RALGAPB: variants seen among roughly 807,000 people sequenced by gnomAD.
The protein encoded by RALGAPB is Ral GTPase activating protein non-catalytic subunit beta.
RALGAPB carries 25 observed loss-of-function variants against 161.1 expected under a neutral mutation model. The ratio of observed to expected loss-of-function variants is 0.16; its 90% CI spans 0.11 to 0.22. The LOEUF (loss-of-function observed/expected upper bound fraction) is 0.22. Ranked by LOEUF, RALGAPB falls within the 10% of genes least tolerant of loss-of-function variation. RALGAPB has a pLI of 1.00. For missense variants in RALGAPB, 1,391 were observed against 1,815.2 expected, an observed-to-expected ratio of 0.77 and a Z score of 4.25; for synonymous variants, 629 against 626.1, an observed-to-expected ratio of 1.00 and a Z score of -0.07.
rs185249282 is a variant in RALGAPB, at chr20:38,490,080, G to A, written c.186+1462G>A. Among the ~76,000 whole-genome samples the A allele has an allele frequency of 3.9e-3, 587 of 151,928 alleles. 8 individuals carry two copies. Among genetic ancestry groups the A allele is most frequent in the African/African-American group, 0.014 (561 of 41,418 alleles). On this transcript the variant is annotated intron_variant, in intron 2 of 29. Transcript: ENST00000262879. ...GCTGGAGTGCAGTGGCATGACCTCG[G>A]CTCACTGCAACTTCTGCCTCCCGGG...
At chr20:38,528,332 ACATT>A (rs2086534452) in intron 13 of RALGAPB, among the ~76,000 whole-genome samples, 2 of 151,168 alleles carry the variant, frequency 1.3e-5, no homozygotes, top group African/African-American at 4.9e-5. Context: ...TTTGACCTTC[ACATT>A]CATTTTATTT....
intron 22 of RALGAPB, among the ~76,000 whole-genome samples, chr20:38,554,538 A>G (rs149430191): frequency 1.3e-3 from 203 of 152,332 alleles, no homozygotes; most frequent in African/African-American, 4.7e-3. Flanking sequence ...TCCAGTTTGT[A>G]AGATCAAACT....
chr20:38,571,484 C>T (rs2088237436), intron 28 of RALGAPB, among the ~76,000 whole-genome samples: 1 of 152,136 alleles, frequency 6.6e-6, no homozygotes, highest in Non-Finnish European at 1.5e-5. Flanking sequence ...TCTTTTTGTG[C>T]CTGCCTTAGC....
At chr20:38,480,420 T>C (rs1263144576) in intron 1 of RALGAPB, among the ~76,000 whole-genome samples, 1 of 144,178 alleles carries the variant, frequency 6.9e-6, no homozygotes, top group African/African-American at 2.6e-5. Context: ...GGAGTCTCGC[T>C]CTGTCACCCA....
chr20:38,519,257 A>G (rs1336019428), intron 9 of RALGAPB, among the ~76,000 whole-genome samples: 1 of 152,194 alleles, frequency 6.6e-6, no homozygotes, highest in African/African-American at 2.4e-5. Flanking sequence ...GCTTACTTAC[A>G]ATAAGTGAAA....
chr20:38,537,084 C>T (rs1661249791), intron 16 of RALGAPB, among the ~76,000 whole-genome samples: 1 of 152,182 alleles, frequency 6.6e-6, no homozygotes, highest in Non-Finnish European at 1.5e-5. Context: ...AAAGGGCTAA[C>T]ACTACCTGAT....
intron 1 of RALGAPB, among the ~76,000 whole-genome samples, chr20:38,484,720 A>G (rs368803806): frequency 1.3e-5 from 2 of 152,268 alleles, no homozygotes; most frequent in African/African-American, 4.8e-5. Flanking sequence ...CAGAGCTTGT[A>G]TACTAGCTCT....
chr20:38,487,377 A>G (rs1290216811), intron 1 of RALGAPB, among the ~76,000 whole-genome samples: 1 of 152,240 alleles, frequency 6.6e-6, no homozygotes, highest in African/African-American at 2.4e-5. Context: ...ATACTGAAGA[A>G]TAAATGTCTA....
At chr20:38,524,354 ATT>A (rs2086392882) in intron 10 of RALGAPB, among the ~76,000 whole-genome samples, 1 of 152,184 alleles carries the variant, frequency 6.6e-6, no homozygotes, top group Non-Finnish European at 1.5e-5. Flanking sequence ...CTCTTACGGA[ATT>A]TAACTCAGCA....
intron 21 of RALGAPB, among the ~76,000 whole-genome samples, chr20:38,553,108 G>T (rs1266163701): frequency 6.6e-6 from 1 of 152,128 alleles, no homozygotes; most frequent in South Asian, 2.1e-4. Context: ...TGCACAAGGG[G>T]GCTTATGATT....
At chr20:38,534,758 G>T (rs1198652700) in intron 15 of RALGAPB, among the ~76,000 whole-genome samples, 1 of 152,162 alleles carries the variant, frequency 6.6e-6, no homozygotes, top group Non-Finnish European at 1.5e-5. Flanking sequence ...TTTTGAAAAT[G>T]TAGCTATGAG....
rs759651715 is a variant in RALGAPB at position 38,535,123 on chromosome 20, C to T, written c.2295C>T (p.Leu765=). 13 of 1,613,794 alleles carry T rather than the reference C, an allele frequency of 8.1e-6. No individual in the cohort carries two copies. Among genetic ancestry groups the T allele is most frequent in the African/African-American group, 4.0e-5 (3 of 74,926 alleles). Residue 765 remains leucine, a synonymous_variant, in exon 16 of 30, where the codon CTC becomes CTT. Coordinates refer to ENST00000262879, the MANE Select transcript of RALGAPB (RefSeq NM_020336.4). ...GGCTCCTGATTCGCAGCATTCATCT[C>T]GTCACCCAAAGACTCAACTCCCAGT... ...AAGLLIRSIH[L]VTQRLNSQWR...
At chr20:38,561,305 C>T (rs1431630012) in intron 23 of RALGAPB, among the ~76,000 whole-genome samples, 1 of 152,166 alleles carries the variant, frequency 6.6e-6, no homozygotes, top group East Asian at 1.9e-4. Flanking sequence ...GCCTGGGCGA[C>T]AGAGCAAGAC....
intron 19 of RALGAPB, 32 bp downstream of exon 19, chr20:38,546,462 T>G: frequency 1.2e-6 from 2 of 1,612,972 alleles, no homozygotes; most frequent in Non-Finnish European, 1.7e-6. Flanking sequence ...CCTTCTCTAC[T>G]GCTTAATCAG....
intron 6 of RALGAPB, among the ~76,000 whole-genome samples, chr20:38,512,344 C>T (rs537811291): frequency 7.2e-5 from 11 of 152,346 alleles, no homozygotes; most frequent in Admixed American, 4.6e-4. Flanking sequence ...AAAAGTACTT[C>T]GGATGCAGTA....
At chr20:38,553,138 T>C (rs2087435576) in intron 21 of RALGAPB, among the ~76,000 whole-genome samples, 1 of 152,104 alleles carries the variant, frequency 6.6e-6, no homozygotes, top group African/African-American at 2.4e-5. Context: ...ATTTCAGACT[T>C]ACAGCCCTGG....
Position 38,544,592 on chromosome 20 carries a change from C to T in RALGAPB, c.2715-1651C>T, listed in dbSNP as rs183628829. ...AAGCAATTCTCCTCCCTCAGCTTCC[C>T]GAGTACCTGGGACTACAGGCACGTG... is the stretch of plus-strand genomic sequence containing the variant. On this transcript the variant is annotated intron_variant, in intron 18 of 29. Transcript: ENST00000262879. 2.8e-3 allele frequency among the ~76,000 whole-genome samples: 431 copies of T among 152,276 alleles called. 3 individuals carry two copies. The highest frequency in any genetic ancestry group is 4.7e-3 in the Non-Finnish European group (319 of 68,004).
intron 16 of RALGAPB, 95 bp from the exon 17 acceptor site, chr20:38,539,681 C>T: frequency 8.5e-7 from 1 of 1,171,966 alleles, no homozygotes; most frequent in Admixed American, 2.2e-5. Context: ...TAGTGTATGA[C>T]ATTGTCAAAT....
intron 13 of RALGAPB, among the ~76,000 whole-genome samples, chr20:38,526,820 C>T (rs1376452830): frequency 1.3e-5 from 2 of 152,208 alleles, no homozygotes; most frequent in African/African-American, 4.8e-5. Flanking sequence ...CCCTGATGAA[C>T]AGAGGAGCTC....
Sources: allele counts gnomAD v4.1 joint callset (sites outside exome capture counted in the v4.1 genomes callset), GRCh38; gene constraint gnomAD v4.1.1; transcripts MANE v1.5; gene names NCBI Gene and HGNC (gene_info 2026-07-23, HGNC 2026-07-21).